INO80D: variants seen among roughly 807,000 people sequenced by gnomAD.
INO80D encodes INO80 complex subunit D.
In INO80D, 21 loss-of-function variants were observed where a neutral mutation model predicts 87.6. The ratio of observed to expected loss-of-function variants is 0.24; its 90% CI spans 0.17 to 0.35. The LOEUF (loss-of-function observed/expected upper bound fraction) is 0.35, where lower values mean the gene tolerates loss of function less well. Ranked by LOEUF, INO80D falls within the 10% of genes least tolerant of loss-of-function variation. The pLI is 1.00. For synonymous variants in INO80D, 440 were observed against 491.0 expected (o/e 0.90, Z 1.37); for missense variants, 982 against 1,280.7 (o/e 0.77, Z 3.56).
intron 1 of INO80D, among the ~76,000 whole-genome samples, chr2:206,065,870 A>G (rs1689801798): frequency 6.6e-6 from 1 of 152,232 alleles, no homozygotes; most frequent in African/African-American, 2.4e-5. Flanking sequence ...GATGGCTATT[A>G]TCAAACAGAC....
At chr2:206,025,296 G>C (rs2105827819) in intron 6 of INO80D, among the ~76,000 whole-genome samples, 1 of 151,240 alleles carries the variant, frequency 6.6e-6, no homozygotes, top group South Asian at 2.1e-4. Context: ...GGGAGGCCGA[G>C]GTGGGTGGAT....
intron 6 of INO80D, among the ~76,000 whole-genome samples, chr2:206,022,732 GAGA>G (rs1688498378): frequency 6.6e-6 from 1 of 152,032 alleles, no homozygotes; most frequent in African/African-American, 2.4e-5. Flanking sequence ...TTATTTTATT[GAGA>G]AGGAGTCTCC....
chr2:206,030,213 C>T (rs750274761), intron 5 of INO80D, among the ~76,000 whole-genome samples: 1 of 152,232 alleles, frequency 6.6e-6, no homozygotes, highest in East Asian at 1.9e-4. Context: ...TGGCTCACAT[C>T]TGTAATCCCT....
rs749141170 is a variant in INO80D at position 206,062,969 on chromosome 2, G to C, written c.48C>G (p.Pro16=). Residue 16 remains proline, a synonymous_variant, in exon 3 of 11, where the codon CCC becomes CCG. Coordinates refer to ENST00000403263, the MANE Select transcript of INO80D (RefSeq NM_017759.5). The surrounding 1 kb of genome is among the most constrained non-coding windows in gnomAD (Gnocchi z 4.6). ...ACAGTTTGGGGCTATATGAGCACAA[G>C]GGCTTATTGTCAACCTCAGAGAAGT... ...HIHFSEVDNK[P]LCSYSPKLCK... 1.9e-6 allele frequency: 3 copies of C among 1,613,024 alleles called. No individual in the cohort carries two copies. The highest frequency in any genetic ancestry group is 2.2e-5 in the South Asian group (2 of 90,980).
chr2:206,039,861 T>A (rs1279312352), intron 5 of INO80D, among the ~76,000 whole-genome samples: 1 of 148,662 alleles, frequency 6.7e-6, no homozygotes, highest in Non-Finnish European at 1.5e-5. Flanking sequence ...TATAATGGAA[T>A]GTTATTTTTA....
chr2:206,057,895 A>G (rs915037738), intron 3 of INO80D, among the ~76,000 whole-genome samples: 1 of 151,406 alleles, frequency 6.6e-6, no homozygotes, highest in African/African-American at 2.4e-5. Context: ...TCCTGTGGAA[A>G]GTTTAAAAAA....
chr2:206,008,282 C>T (rs1215926968), intron 9 of INO80D, among the ~76,000 whole-genome samples: 2 of 121,172 alleles, frequency 1.7e-5, no homozygotes, highest in South Asian at 5.7e-4. Context: ...CCATGCCTTG[C>T]TTTTTTTTTT....
In INO80D at chr2:206,005,409, T is replaced by A. The variant is rs1265947796; in HGVS notation, c.2043A>T (p.Pro681=). Residue 681 remains proline, a synonymous_variant, in exon 11 of 11, where the codon CCA becomes CCT. Transcript: ENST00000403263. ...IGVLAQSDGV[P]VQELSDRGIG... The stretch of plus-strand genomic sequence containing the variant: ...TTCCTCTATCTGACAACTCCTGGAC[T>A]GGCACACCATCTGACTGGGCAAGGA... The A allele has an allele frequency of 1.9e-6, 3 of 1,613,958 alleles. No individual in the cohort carries two copies. The Admixed American group carries it at 5.0e-5, about 27-fold the overall frequency.
chr2:206,038,950 G>A (rs1189565757), intron 5 of INO80D, among the ~76,000 whole-genome samples: 1 of 152,162 alleles, frequency 6.6e-6, no homozygotes, highest in Non-Finnish European at 1.5e-5. Flanking sequence ...TCCAGGGTAA[G>A]TCCAGAACCT....
chr2:206,061,961 T>C (rs1475029408), intron 3 of INO80D, among the ~76,000 whole-genome samples: 1 of 152,234 alleles, frequency 6.6e-6, no homozygotes, highest in Admixed American at 6.5e-5. Flanking sequence ...CAGTGATCTA[T>C]ATAGTTTCTG....
At chr2:206,076,775 T>C (rs1461863893) in intron 1 of INO80D, among the ~76,000 whole-genome samples, 1 of 152,174 alleles carries the variant, frequency 6.6e-6, no homozygotes, top group Non-Finnish European at 1.5e-5. Flanking sequence ...GATCACTCAC[T>C]GGCTCTGGTA....
At chr2:206,077,639 C>T (rs866419158) in intron 1 of INO80D, among the ~76,000 whole-genome samples, 46 of 152,076 alleles carry the variant, frequency 3.0e-4, no homozygotes, top group African/African-American at 1.1e-3. Flanking sequence ...TTCTAAGTTC[C>T]GATCCATGTC....
chr2:206,059,879 A>C (rs1377243098), intron 3 of INO80D, among the ~76,000 whole-genome samples: 1 of 152,174 alleles, frequency 6.6e-6, no homozygotes, highest in Non-Finnish European at 1.5e-5. Context: ...CTAACCAAAA[A>C]GTTTCCCAAG....
rs777518928 is a variant in INO80D, at chr2:206,004,643, C to T, written c.2809G>A (p.Val937Met). 3 of 1,613,466 alleles carry T rather than the reference C, an allele frequency of 1.9e-6. No individual in the cohort carries two copies. Among genetic ancestry groups the T allele is most frequent in the South Asian group, 1.1e-5 (1 of 90,984 alleles). The change falls in exon 11 of 11, where the codon GTG becomes ATG. Residue 937 changes from valine to methionine, a missense_variant. Val to Met is a conservative substitution (Grantham distance 21, BLOSUM62 1). Coordinates refer to ENST00000403263, the MANE Select transcript of INO80D (RefSeq NM_017759.5). This position sits in a 1 kb window ranked among gnomAD's most constrained non-coding sequence, Gnocchi z 4.9. Reference protein sequence around the residue: ...SETTQPAFATVTPSSSSVLPG... With the variant: ...SETTQPAFATMTPSSSSVLPG... ...AGCACACTGGAGCTGCTGGGGGTCA[C>T]GGTGGCGAAGGCAGGCTGTGTGGTC...
chr2:206,037,001 T>C (rs7572920), intron 5 of INO80D, among the ~76,000 whole-genome samples: 44,515 of 152,002 alleles, frequency 0.29, 6,904 homozygotes, highest in Admixed American at 0.36. Flanking sequence ...ACCTGGTTGC[T>C]GATGAAGAGT....
intron 5 of INO80D, among the ~76,000 whole-genome samples, chr2:206,042,680 C>CAGA (rs1689083881): frequency 7.9e-6 from 1 of 126,264 alleles, no homozygotes; most frequent in Non-Finnish European, 1.6e-5. Context: ...GACTTTGTCT[C>CAGA]AAAAAAAAAA....
chr2:206,073,412 T>A (rs2105903931), intron 1 of INO80D, among the ~76,000 whole-genome samples: 1 of 152,312 alleles, frequency 6.6e-6, no homozygotes, highest in East Asian at 1.9e-4. Context: ...AAGATATAAA[T>A]AAGAATGGAA....
At chr2:206,060,522 G>A (rs1181677987) in intron 3 of INO80D, among the ~76,000 whole-genome samples, 10 of 137,534 alleles carry the variant, frequency 7.3e-5, no homozygotes, top group Non-Finnish European at 1.5e-4. Context: ...ACAGTTGAGC[G>A]AGACTCCGTC....
rs775537437 is a variant in INO80D, at chr2:206,046,492, C to A, written c.1073+12G>T. 7 of 1,524,246 alleles carry A rather than the reference C, an allele frequency of 4.6e-6. No individual in the cohort carries two copies. The highest frequency in any genetic ancestry group is 6.4e-6 in the Non-Finnish European group (7 of 1,098,758). The allele number at this position is 1,524,246 out of a possible 1,614,324, so 94.4% of individuals were successfully genotyped here. A position where few individuals can be genotyped will look rare whatever the true frequency, so the allele number is the denominator to read the frequency against. On this transcript the variant is annotated intron_variant, in intron 5 of 10. Transcript: ENST00000403263. ...CAAAAAAAAAAGAATAAAAACAGAA[C>A]AGAAGACTTACGCATGTCTTTGATA...
Sources: gnomAD v4.1 joint callset for allele counts (sites outside exome capture counted in the v4.1 genomes callset) on GRCh38, gnomAD v4.1.1 for gene constraint, Gnocchi (gnomAD v3.1) non-coding constraint, MANE v1.5 for transcripts, NCBI Gene and HGNC (gene_info 2026-07-23, HGNC 2026-07-21) for gene names.